Variants in KIAA1217 observed in about 807,000 individuals in gnomAD.
KIAA1217 encodes the protein KIAA1217, also known as sickle tail protein homolog.
A neutral mutation model predicts 163.9 loss-of-function variants in KIAA1217; 88 were observed. The ratio of observed to expected loss-of-function variants is 0.54; its 90% CI spans 0.45 to 0.64. KIAA1217 has a LOEUF of 0.64. KIAA1217 is among the 30% of genes least tolerant of loss of function. The pLI is 0.00. For missense variants in KIAA1217, 2,372 were observed against 2,475.0 expected, an observed-to-expected ratio of 0.96 and a Z score of 0.88; for synonymous variants, 903 against 923.1, an observed-to-expected ratio of 0.98 and a Z score of 0.39.
intron 9 of KIAA1217, among the ~76,000 whole-genome samples, chr10:24,504,929 CT>C (rs1394054095): frequency 1.3e-5 from 2 of 152,162 alleles, no homozygotes; most frequent in Admixed American, 6.5e-5. Flanking sequence ...ATCTTCTGCT[CT>C]CCAATTTCAC....
intron 5 of KIAA1217, among the ~76,000 whole-genome samples, chr10:24,458,318 TGTG>T (rs1206283694): frequency 6.6e-6 from 1 of 152,220 alleles, no homozygotes; most frequent in East Asian, 1.9e-4. Context: ...GGAGCAGTCT[TGTG>T]GGGCTCGTGA....
rs898188577 is a variant in KIAA1217 at position 23,792,668 on chromosome 10, A to ATTT, written c.-321+97447_-321+97449dup. Among the ~76,000 whole-genome samples the ATTT allele has an allele frequency of 7.3e-3, 942 of 129,554 alleles. 7 individuals carry two copies. The highest frequency in any genetic ancestry group is 0.024 in the African/African-American group (866 of 35,932). The allele number at this position is 129,554 out of a possible 152,430, so 85.0% of individuals were successfully genotyped here. On this transcript the variant is annotated intron_variant, in intron 1 of 18. Transcript: ENST00000376462. Reference sequence around the variant, plus strand: ...CCACCACGCCCGGCTAATTTTTTGTATTTTTTTTTTTTTTTAATAGAGACA... The same window carrying ATTT: ...CCACCACGCCCGGCTAATTTTTTGTATTTTTTTTTTTTTTTTTTAATAGAGACA...
intron 2 of KIAA1217, among the ~76,000 whole-genome samples, chr10:24,238,102 T>C (rs1398958479): frequency 6.6e-6 from 1 of 152,224 alleles, no homozygotes; most frequent in Non-Finnish European, 1.5e-5. Context: ...ATGTTGCAGT[T>C]TGCAATGGGA....
At chr10:24,104,768 C>T (rs535778039) in intron 2 of KIAA1217, among the ~76,000 whole-genome samples, 297 of 152,232 alleles carry the variant, frequency 2.0e-3, no homozygotes, top group Non-Finnish European at 2.8e-3. Flanking sequence ...AAAAAGTAGA[C>T]GGTGACTTTC....
intron 1 of KIAA1217, among the ~76,000 whole-genome samples, chr10:24,211,719 G>A (rs1388039656): frequency 6.6e-6 from 1 of 151,800 alleles, no homozygotes; most frequent in Non-Finnish European, 1.5e-5. Flanking sequence ...TGAGGGAAGG[G>A]CAGGGAGGCC....
chr10:23,729,570 T>C (rs1564371943), intron 1 of KIAA1217, among the ~76,000 whole-genome samples: 1 of 152,206 alleles, frequency 6.6e-6, no homozygotes, highest in Non-Finnish European at 1.5e-5. Flanking sequence ...ATTCTTTTCA[T>C]ATATCTATAT....
chr10:24,505,223 T>C (rs2068175854), intron 9 of KIAA1217, among the ~76,000 whole-genome samples: 1 of 150,740 alleles, frequency 6.6e-6, no homozygotes, highest in Non-Finnish European at 1.5e-5. Flanking sequence ...CTTCAAACAA[T>C]GCACCTCATT....
intron 1 of KIAA1217, among the ~76,000 whole-genome samples, chr10:23,852,610 T>C (rs949321642): frequency 2.0e-5 from 3 of 152,256 alleles, no homozygotes; most frequent in Non-Finnish European, 4.4e-5. Flanking sequence ...TTGGGCCGTA[T>C]GGCCATTTTC....
intron 5 of KIAA1217, among the ~76,000 whole-genome samples, chr10:24,459,841 G>A (rs1300904957): frequency 1.3e-5 from 2 of 152,150 alleles, no homozygotes; most frequent in Non-Finnish European, 2.9e-5. Context: ...TGAGGTGGGA[G>A]GATCACTTGA....
At chr10:23,868,424 A>C (rs1044024238) in intron 1 of KIAA1217, among the ~76,000 whole-genome samples, 1 of 152,126 alleles carries the variant, frequency 6.6e-6, no homozygotes, top group Non-Finnish European at 1.5e-5. Flanking sequence ...GGCTCTAAGA[A>C]AGACAGGCAA....
intron 2 of KIAA1217, among the ~76,000 whole-genome samples, chr10:24,338,585 G>T (rs903290272): frequency 1.3e-5 from 2 of 152,220 alleles, no homozygotes; most frequent in African/African-American, 2.4e-5. Context: ...AAGAAGCTGA[G>T]CATGTTTTAC....
intron 2 of KIAA1217, among the ~76,000 whole-genome samples, chr10:24,043,588 C>T (rs956380395): frequency 6.6e-6 from 1 of 152,066 alleles, no homozygotes; most frequent in Non-Finnish European, 1.5e-5. Flanking sequence ...ATGCAATGAA[C>T]ACTAGAAGAC....
At chr10:24,287,536 A>G (rs549566447) in intron 2 of KIAA1217, among the ~76,000 whole-genome samples, 1 of 152,186 alleles carries the variant, frequency 6.6e-6, no homozygotes, top group Admixed American at 6.5e-5. Context: ...TGTCTTTTAT[A>G]TTTTTCCCCA....
Position 24,372,318 on chromosome 10 carries a change from T to C in KIAA1217, c.355-8551T>C, listed in dbSNP as rs1472137385. 2.0e-5 allele frequency among the ~76,000 whole-genome samples: 3 copies of C among 152,002 alleles called. No individual in the cohort carries two copies. In the East Asian group the frequency reaches 5.8e-4, roughly 29 times the overall value. On this transcript the variant is annotated intron_variant, in intron 2 of 20. Coordinates refer to ENST00000376454, the MANE Select transcript of KIAA1217 (RefSeq NM_019590.5). Reference sequence around the variant, plus strand: ...TAAGAACACATAAGAAAACAACAACTGAGAAGGCGCAAGGAAACAATCATG... The same window carrying C: ...TAAGAACACATAAGAAAACAACAACCGAGAAGGCGCAAGGAAACAATCATG...
intron 2 of KIAA1217, among the ~76,000 whole-genome samples, chr10:24,032,304 G>T (rs1042178497): frequency 2.6e-5 from 4 of 152,136 alleles, no homozygotes; most frequent in Non-Finnish European, 4.4e-5. Flanking sequence ...CTGTCATCCA[G>T]ACTGGAGTGC....
intron 1 of KIAA1217, among the ~76,000 whole-genome samples, chr10:23,861,055 A>G (rs370546887): frequency 2.0e-5 from 3 of 151,754 alleles, no homozygotes; most frequent in Non-Finnish European, 4.4e-5. Context: ...TGGAACTACA[A>G]GCACACACCA....
intron 1 of KIAA1217, among the ~76,000 whole-genome samples, chr10:23,980,983 G>A (rs1688577584): frequency 6.6e-6 from 1 of 152,112 alleles, no homozygotes; most frequent in African/African-American, 2.4e-5. Context: ...TCAACATTAG[G>A]CAATATGTCC....
rs545448152 is a variant in KIAA1217, at chr10:24,060,641, T to G, written c.-171+53267T>G. Among the ~76,000 whole-genome samples the G allele has an allele frequency of 9.9e-5, 15 of 152,218 alleles. No homozygotes were observed. In the East Asian group the frequency reaches 2.7e-3, roughly 27 times the overall value. On this transcript the variant is annotated intron_variant, in intron 2 of 18. Transcript: ENST00000376462. The stretch of plus-strand genomic sequence containing the variant: ...AAGACTCTGTTTCTACAAAAAAATT[T>G]TTTTATGAGATGTGCGTGGTGACAC...
intron 6 of KIAA1217, among the ~76,000 whole-genome samples, chr10:24,483,755 C>T (rs974602135): frequency 1.3e-5 from 2 of 152,168 alleles, no homozygotes; most frequent in African/African-American, 2.4e-5. Context: ...CTATTCCTAC[C>T]TGTTTGTACC....
Sources: gnomAD v4.1 joint callset for allele counts (sites outside exome capture counted in the v4.1 genomes callset) on GRCh38, gnomAD v4.1.1 for gene constraint, MANE v1.5 for transcripts, NCBI Gene and HGNC (gene_info 2026-07-23, HGNC 2026-07-21) for gene names.